Variants in PRKAG2 observed in about 807,000 individuals in gnomAD.
PRKAG2 encodes protein kinase AMP-activated non-catalytic subunit gamma 2.
Under a neutral mutation model 69.6 loss-of-function variants are expected in PRKAG2, and 26 were observed. The ratio of observed to expected loss-of-function variants is 0.37; its 90% confidence interval spans 0.27 to 0.52. The LOEUF is 0.52. PRKAG2 is among the 20% of genes least tolerant of loss of function. The pLI is 0.90. For synonymous variants in PRKAG2, 293 were observed against 285.0 expected (o/e 1.03, Z -0.28); for missense variants, 557 against 740.0 (o/e 0.75, Z 2.87).
intron 5 of PRKAG2, among the ~76,000 whole-genome samples, chr7:151,626,549 G>A (rs1822961066): frequency 6.6e-6 from 1 of 152,156 alleles, no homozygotes; most frequent in South Asian, 2.1e-4. Context: ...GAGCCTTCTC[G>A]TGCCCTAAGT....
rs371543989 is a variant in PRKAG2, at chr7:151,557,235, G to A, written c.1679-3C>T. ...TTCTGTCTCCTTTTGTTTGGCACCT[G>A]TCAGTGGATGGAAGATGAAAGTTTC... On this transcript the variant is annotated splice_region_variant and splice_polypyrimidine_tract_variant and intron_variant, in intron 15 of 15. Transcript: ENST00000287878. 1.0e-4 allele frequency: 167 copies of A among 1,613,966 alleles called. No homozygotes were observed. Among genetic ancestry groups the A allele is most frequent in the Non-Finnish European group, 1.3e-4 (158 of 1,179,984 alleles).
chr7:151,855,078 T>C (rs373580620), intron 1 of PRKAG2, among the ~76,000 whole-genome samples: 155 of 13,336 alleles, frequency 0.012, no homozygotes, highest in Middle Eastern at 0.056. Context: ...ACACACACCA[T>C]CCTCCACACA....
At chr7:151,698,637 G>C (rs1837121638) in intron 3 of PRKAG2, among the ~76,000 whole-genome samples, 1 of 152,098 alleles carries the variant, frequency 6.6e-6, no homozygotes, top group Admixed American at 6.5e-5. Flanking sequence ...GAAGCTTCCT[G>C]AGGCCTCGCC....
In PRKAG2 at chr7:151,675,596, T is replaced by C. The variant is rs1332470374; in HGVS notation, c.508A>G (p.Thr170Ala). ...TCCAGGGGAAACGTGTGCTGCTTGG[T>C]CACTTGGGTGGGTGTTGACGGAGAG... ...SSSPSTPTQV[T>A]KQHTFPLESY... Residue 170 changes from threonine (T) to alanine (A), a missense_variant, in exon 4 of 16, where the codon ACC becomes GCC. Around this residue, in one of 2 missense-constraint regions of PRKAG2, gnomAD observed 352 missense variants for 356.7 expected, o/e 0.99. Transcript: ENST00000287878. 1 of 1,613,958 alleles carries C rather than the reference T, an allele frequency of 6.2e-7. No individual in the cohort carries two copies. Among genetic ancestry groups the C allele is most frequent in the Non-Finnish European group, 8.5e-7 (1 of 1,179,976 alleles).
chr7:151,678,600 A>C (rs1049747581), intron 3 of PRKAG2, among the ~76,000 whole-genome samples: 1 of 152,186 alleles, frequency 6.6e-6, no homozygotes, highest in East Asian at 1.9e-4. Context: ...GGGTGGAAGC[A>C]GGAGGAGAGG....
At chr7:151,847,285 T>A (rs896819987) in intron 1 of PRKAG2, among the ~76,000 whole-genome samples, 3 of 152,130 alleles carry the variant, frequency 2.0e-5, no homozygotes, top group Admixed American at 6.5e-5. Flanking sequence ...TGGCCAAGCA[T>A]CCAAAGGGAG....
rs542503692 is a variant in PRKAG2, at chr7:151,617,949, CTG to C, written c.754+14118_754+14119del. Among the ~76,000 whole-genome samples the C allele has an allele frequency of 3.8e-4, 58 of 152,098 alleles. 2 individuals carry two copies. The South Asian group carries it at 4.8e-3, about 13-fold the overall frequency. On this transcript the variant is annotated intron_variant, in intron 5 of 15. Coordinates refer to ENST00000287878, the MANE Select transcript of PRKAG2 (RefSeq NM_016203.4). ...TATAGTGTTTTCTCTTTTTAGAAAACTGTTAAAAAATATCTGAGTAAGAAATA... is the reference window on the plus strand; with the variant it reads ...TATAGTGTTTTCTCTTTTTAGAAAACTTAAAAAATATCTGAGTAAGAAATA...
At chr7:151,561,704 G>A (rs548169441) in intron 14 of PRKAG2, among the ~76,000 whole-genome samples, 35 of 152,188 alleles carry the variant, frequency 2.3e-4, no homozygotes, top group African/African-American at 8.4e-4. Context: ...AGGCCGAGGC[G>A]GGCGGATCAC....
intron 3 of PRKAG2, among the ~76,000 whole-genome samples, chr7:151,741,351 C>G (rs920231498): frequency 3.3e-5 from 5 of 152,124 alleles, no homozygotes; most frequent in African/African-American, 9.7e-5. Context: ...AGCCAGTGTA[C>G]TATTCTTACA....
chr7:151,711,755 G>A (rs544563412), intron 3 of PRKAG2, among the ~76,000 whole-genome samples: 1 of 152,346 alleles, frequency 6.6e-6, no homozygotes, highest in Admixed American at 6.5e-5. Context: ...TCACAGAAGT[G>A]TTTAAACTAC....
intron 1 of PRKAG2, among the ~76,000 whole-genome samples, chr7:151,821,239 C>A (rs948940837): frequency 6.6e-6 from 1 of 152,244 alleles, no homozygotes; most frequent in Non-Finnish European, 1.5e-5. Flanking sequence ...ATCAGAGGCA[C>A]TGAAGGGTCC....
intron 5 of PRKAG2, among the ~76,000 whole-genome samples, chr7:151,601,503 G>A (rs1248373075): frequency 2.6e-5 from 4 of 152,102 alleles, no homozygotes; most frequent in Admixed American, 2.0e-4. Context: ...AGTTAGGGGA[G>A]GAAAAATTCA....
chr7:151,592,043 C>T (rs781007613), intron 6 of PRKAG2, among the ~76,000 whole-genome samples: 4 of 152,148 alleles, frequency 2.6e-5, no homozygotes, highest in East Asian at 1.9e-4. Flanking sequence ...CTCGCCAGGC[C>T]GAGACGGGGC....
intron 1 of PRKAG2, among the ~76,000 whole-genome samples, chr7:151,792,796 C>T (rs796252685): frequency 2.6e-5 from 4 of 152,336 alleles, no homozygotes; most frequent in African/African-American, 9.6e-5. Flanking sequence ...TTGCATTCTC[C>T]GCTCCTGCTG....
chr7:151,789,824 C>T (rs556422770), intron 1 of PRKAG2, among the ~76,000 whole-genome samples: 14 of 152,324 alleles, frequency 9.2e-5, no homozygotes, highest in African/African-American at 2.2e-4. Flanking sequence ...AAGGAGGAGT[C>T]TCAGGAGTCT....
intron 1 of PRKAG2, among the ~76,000 whole-genome samples, chr7:151,818,421 TG>T (rs1359758884): frequency 1.3e-5 from 2 of 151,500 alleles, no homozygotes; most frequent in Non-Finnish European, 2.9e-5. Flanking sequence ...AGTCAAATGC[TG>T]CATGCCAAGC....
intron 5 of PRKAG2, among the ~76,000 whole-genome samples, chr7:151,626,375 G>C (rs1014650719): frequency 4.6e-5 from 7 of 152,160 alleles, no homozygotes; most frequent in African/African-American, 1.7e-4. Context: ...CTACAGAATA[G>C]GGCAATATGT....
chr7:151,859,736 T>C (rs2079871621), intron 1 of PRKAG2, among the ~76,000 whole-genome samples: 1 of 152,158 alleles, frequency 6.6e-6, no homozygotes, highest in African/African-American at 2.4e-5. Flanking sequence ...CATCAGCCAC[T>C]TGCCAGCCAT....
intron 1 of PRKAG2, among the ~76,000 whole-genome samples, chr7:151,808,088 G>T (rs1206051822): frequency 6.6e-6 from 1 of 152,266 alleles, no homozygotes; most frequent in East Asian, 1.9e-4. Flanking sequence ...AGCGGGCGGG[G>T]CTCCCCACCC....
Sources: gnomAD v4.1 joint callset for allele counts (sites outside exome capture counted in the v4.1 genomes callset) on GRCh38, gnomAD v4.1.1 for gene constraint, gnomAD v4.1.1 regional missense constraint, MANE v1.5 for transcripts, NCBI Gene and HGNC (gene_info 2026-07-23, HGNC 2026-07-21) for gene names.